The following MMP26 variants were observed in gnomAD, a reference collection of about 807,000 sequenced individuals.
MMP26 encodes the protein matrix metallopeptidase 26.
MMP26 carries 33 observed loss-of-function variants against 31.0 expected under a neutral mutation model. The observed-to-expected ratio is 1.06, with a 90% CI of 0.81 to 1.42. The LOEUF (loss-of-function observed/expected upper bound fraction) is 1.42. MMP26 is among the 40% of genes most tolerant of loss of function. The pLI, the probability that MMP26 is intolerant of heterozygous loss-of-function variation, is 0.00. For missense variants in MMP26, 347 were observed against 316.1 expected (o/e 1.10, Z -0.74); for synonymous variants, 122 against 114.9 (o/e 1.06, Z -0.40).
chr11:4,928,453 T>A (rs1001029898), intron 2 of MMP26, among the ~76,000 whole-genome samples: 2 of 152,182 alleles, frequency 1.3e-5, no homozygotes, highest in Non-Finnish European at 2.9e-5. Flanking sequence ...AACGTCTGTA[T>A]CAGGTATTCT....
Position 4,804,300 on chromosome 11 carries a change from C to G in MMP26, c.-145+36959C>G, listed in dbSNP as rs61746977. On this transcript the variant is annotated intron_variant, in intron 2 of 7. Coordinates refer to ENST00000380390, the MANE Select transcript of MMP26 (RefSeq NM_021801.5). ...CACAGAACGGAAAGGCAATCCACAA[C>G]TGGAAACTCTCCAGGCCTGGGATTC... 1.5e-3 allele frequency: 2,451 copies of G among 1,614,068 alleles called. 5 individuals are homozygous for G. The highest frequency in any genetic ancestry group is 1.9e-3 in the Non-Finnish European group (2,238 of 1,180,004).
intron 2 of MMP26, among the ~76,000 whole-genome samples, chr11:4,924,619 C>T (rs949131928): frequency 6.6e-6 from 1 of 152,098 alleles, no homozygotes; most frequent in Non-Finnish European, 1.5e-5. Flanking sequence ...GAAAACAATT[C>T]TAGAAAAGGG....
At chr11:4,929,801 A>AT (rs201150625) in intron 2 of MMP26, among the ~76,000 whole-genome samples, 2,773 of 152,118 alleles carry the variant, frequency 0.018, 34 homozygotes, top group Middle Eastern at 0.038. Flanking sequence ...GTTTTTGAGC[A>AT]TTTTCTCTGT....
intron 2 of MMP26, among the ~76,000 whole-genome samples, chr11:4,835,831 T>C (rs1426853672): frequency 6.6e-6 from 1 of 152,222 alleles, no homozygotes; most frequent in Admixed American, 6.5e-5. Context: ...TGATTAATCA[T>C]GCATACAAAG....
At chr11:4,958,282 C>T (rs1281825417) in intron 2 of MMP26, among the ~76,000 whole-genome samples, 2 of 152,176 alleles carry the variant, frequency 1.3e-5, no homozygotes, top group Non-Finnish European at 2.9e-5. Context: ...TAATTCCTGC[C>T]GTTTTTACCT....
intron 2 of MMP26, among the ~76,000 whole-genome samples, chr11:4,788,354 G>A (rs12794880): frequency 2.4e-4 from 37 of 151,838 alleles, no homozygotes; most frequent in African/African-American, 7.0e-4. Context: ...CATGAGAACC[G>A]TAGATTTGAG....
intron 2 of MMP26, chr11:4,907,500 C>G (rs1403524220): frequency 6.2e-7 from 1 of 1,613,998 alleles, no homozygotes; most frequent in East Asian, 2.2e-5. Flanking sequence ...GGCAACTGCA[C>G]CATTCTCTTT....
chr11:4,959,192 C>T (rs934430326), intron 2 of MMP26, among the ~76,000 whole-genome samples: 37 of 130,976 alleles, frequency 2.8e-4, no homozygotes, highest in African/African-American at 9.4e-4. Flanking sequence ...GAGCTGAGAT[C>T]TCGCCACCGC....
intron 1 of MMP26, among the ~76,000 whole-genome samples, chr11:4,742,603 T>TTA (rs990162897): frequency 6.6e-6 from 1 of 151,830 alleles, no homozygotes; most frequent in Admixed American, 6.6e-5. Flanking sequence ...TCCTCAATTT[T>TTA]TATATATATA....
chr11:4,719,508 A>G lies in MMP26; in HGVS notation c.-217+14463A>G, dbSNP rs540160946. On this transcript the variant is annotated intron_variant, in intron 1 of 7. Transcript: ENST00000380390. ...CCATCATCTACAGTGTGAAGACCAA[A>G]CAGATACGCTAGGCTGTGCTAAAAG... is the stretch of plus-strand genomic sequence containing the variant. 4.4e-4 allele frequency: 67 copies of G among 153,934 alleles called. No homozygotes were observed. The South Asian group carries it at 4.9e-3, about 11-fold the overall frequency. The allele number at this position is 153,934 out of a possible 1,614,324, so 9.5% of individuals were successfully genotyped here. A position where few individuals can be genotyped will look rare whatever the true frequency, so the allele number is the denominator to read the frequency against.
chr11:4,793,301 C>T (rs1371801034), intron 2 of MMP26, among the ~76,000 whole-genome samples: 2 of 152,140 alleles, frequency 1.3e-5, no homozygotes, highest in African/African-American at 4.8e-5. Flanking sequence ...CCTTGAGGAA[C>T]ACAGAAGCAA....
chr11:4,811,044 C>A (rs4910685), intron 2 of MMP26, among the ~76,000 whole-genome samples: 95,308 of 152,018 alleles, frequency 0.63, 30,762 homozygotes, highest in Middle Eastern at 0.73. Context: ...CAAAGGTCAT[C>A]ATTTTTCATC....
rs532696004 is a variant in MMP26 at position 4,844,268 on chromosome 11, C to T, written c.-145+76927C>T. Among the ~76,000 whole-genome samples, 7 of 152,152 alleles carry T rather than the reference C, an allele frequency of 4.6e-5. No individual in the cohort carries two copies. In the East Asian group the frequency reaches 1.4e-3, roughly 29 times the overall value. On this transcript the variant is annotated intron_variant, in intron 2 of 7. Coordinates refer to ENST00000380390, the MANE Select transcript of MMP26 (RefSeq NM_021801.5). ...CAAATAACAAGTAACAAGATCAAAGCCACAATGAAAAGCCTTCCCATAAAG... is the reference window on the plus strand; with the variant it reads ...CAAATAACAAGTAACAAGATCAAAGTCACAATGAAAAGCCTTCCCATAAAG...
intron 2 of MMP26, chr11:4,937,598 T>C (rs1846143606): frequency 6.5e-6 from 1 of 152,676 alleles, no homozygotes; most frequent in East Asian, 1.9e-4. Context: ...AACTGCTGTC[T>C]GGGGGTAGCA....
chr11:4,977,138 G>A (rs1172001267), intron 2 of MMP26, among the ~76,000 whole-genome samples: 1 of 151,294 alleles, frequency 6.6e-6, no homozygotes, highest in Non-Finnish European at 1.5e-5. Context: ...TTGCTCTTGT[G>A]TTACTCATAT....
chr11:4,881,976 A>G (rs778952665), intron 2 of MMP26: 1 of 1,613,796 alleles, frequency 6.2e-7, no homozygotes, highest in Admixed American at 1.7e-5. Flanking sequence ...GAATGTGCTC[A>G]TGTCTGGATC....
At chr11:4,939,241 A>C (rs1159595186) in intron 2 of MMP26, among the ~76,000 whole-genome samples, 4 of 152,172 alleles carry the variant, frequency 2.6e-5, no homozygotes, top group African/African-American at 9.6e-5. Context: ...AATGGAAATT[A>C]GTTGTAGCTC....
intron 1 of MMP26, among the ~76,000 whole-genome samples, chr11:4,708,381 G>C (rs900236839): frequency 6.6e-6 from 1 of 152,240 alleles, no homozygotes; most frequent in East Asian, 1.9e-4. Context: ...CCTGTAACCA[G>C]TTATTCTTAC....
chr11:4,945,480 G>C (rs1846280746), intron 2 of MMP26: 1 of 149,724 alleles, frequency 6.7e-6, no homozygotes, highest in South Asian at 2.1e-4. Context: ...AACAAAGGAA[G>C]AGTTCAAATT....
Sources: allele counts gnomAD v4.1 joint callset (sites outside exome capture counted in the v4.1 genomes callset), GRCh38; gene constraint gnomAD v4.1.1; transcripts MANE v1.5; gene names NCBI Gene and HGNC (gene_info 2026-07-23, HGNC 2026-07-21).